DLG2: variants seen among roughly 807,000 people sequenced by gnomAD.
DLG2 encodes discs large MAGUK scaffold protein 2.
In DLG2, 45 loss-of-function variants were observed where a neutral mutation model predicts 132.5. That is an observed-to-expected ratio of 0.34 (90% CI 0.27 to 0.44). DLG2 has a LOEUF of 0.44. Among genes scored for constraint, DLG2 ranks in the 20% least tolerant of loss-of-function variants. DLG2 has a pLI of 1.00. For synonymous variants in DLG2, 424 were observed against 419.6 expected (o/e 1.01, Z -0.13); for missense variants, 1,045 against 1,196.9 (o/e 0.87, Z 1.87).
chr11:84,576,848 G>T (rs991141280), intron 6 of DLG2, among the ~76,000 whole-genome samples: 1 of 152,138 alleles, frequency 6.6e-6, no homozygotes, highest in African/African-American at 2.4e-5. Flanking sequence ...TACTATCACT[G>T]ATATACTTAT....
At chr11:83,729,625 G>C (rs1016220268) in intron 18 of DLG2, among the ~76,000 whole-genome samples, 1 of 152,122 alleles carries the variant, frequency 6.6e-6, no homozygotes, top group South Asian at 2.1e-4. Context: ...CATTCTCTGT[G>C]AGCTGAAAAA....
intron 26 of DLG2, among the ~76,000 whole-genome samples, chr11:83,466,466 A>T (rs1458561228): frequency 6.6e-6 from 1 of 152,338 alleles, no homozygotes; most frequent in East Asian, 1.9e-4. Context: ...AACATTATTG[A>T]AGATGTTTTA....
In DLG2 at chr11:85,111,692, G is replaced by C; in HGVS notation, c.326C>G (p.Ala109Gly). ...RCPAQNCSVE[A>G]PAWMPVHHCT... ...GTGGTGGACAGGCATCCAAGCAGGGGCTTCCACTGAACAATTCTGGGCTGG... is the reference window on the plus strand; with the variant it reads ...GTGGTGGACAGGCATCCAAGCAGGGCCTTCCACTGAACAATTCTGGGCTGG... Residue 109 changes from alanine (A) to glycine (G), a missense_variant, in exon 6 of 28, where the codon GCC (alanine) becomes GGC (glycine). Physicochemically the swap from Ala to Gly is moderately conservative, Grantham distance 60. This residue lies in a region of DLG2 where 277 missense variants were observed against 238.2 expected (regional missense o/e 1.16). Coordinates refer to ENST00000376104, the MANE Select transcript of DLG2 (RefSeq NM_001142699.3). 4 of 1,565,950 alleles carry C rather than the reference G, an allele frequency of 2.6e-6. No homozygotes were observed. The highest frequency in any genetic ancestry group is 3.5e-6 in the Non-Finnish European group (4 of 1,154,464).
intron 6 of DLG2, among the ~76,000 whole-genome samples, chr11:84,624,187 T>G (rs1400436073): frequency 6.6e-6 from 1 of 152,160 alleles, no homozygotes; most frequent in Non-Finnish European, 1.5e-5. Flanking sequence ...TTGTTTTTGT[T>G]TTTTCAAAGA....
At chr11:84,950,168 T>C (rs1416114941) in intron 6 of DLG2, among the ~76,000 whole-genome samples, 1 of 152,212 alleles carries the variant, frequency 6.6e-6, no homozygotes, top group Non-Finnish European at 1.5e-5. Flanking sequence ...CTGTCACTCA[T>C]ATTTGTACAT....
chr11:83,887,568 A>G (rs1430566559), intron 15 of DLG2, among the ~76,000 whole-genome samples: 1 of 152,086 alleles, frequency 6.6e-6, no homozygotes, highest in Non-Finnish European at 1.5e-5. Flanking sequence ...CAATCAATAG[A>G]AAAAGAGGGA....
intron 18 of DLG2, among the ~76,000 whole-genome samples, chr11:83,742,998 G>A (rs1472859140): frequency 6.6e-6 from 1 of 152,114 alleles, no homozygotes; most frequent in East Asian, 1.9e-4. Flanking sequence ...TGACTTTGTG[G>A]GTTTCTGTAA....
At chr11:85,103,341 C>A (rs2071182890) in intron 6 of DLG2, among the ~76,000 whole-genome samples, 1 of 151,844 alleles carries the variant, frequency 6.6e-6, no homozygotes, top group African/African-American at 2.4e-5. Context: ...CTCACACTAC[C>A]AAATTTCCAA....
At position 84,349,575 on chromosome 11, in the gene DLG2, T is replaced by C. The variant is rs749414673; in HGVS notation, c.520-98284A>G. ...CCTTGGATGTGAAACTTCTATGCTTTGCACGGTCATGTACAGTAGGTCTAA... is the reference window on the plus strand; with the variant it reads ...CCTTGGATGTGAAACTTCTATGCTTCGCACGGTCATGTACAGTAGGTCTAA... On this transcript the variant is annotated intron_variant, in intron 7 of 27. Coordinates refer to ENST00000376104, the MANE Select transcript of DLG2 (RefSeq NM_001142699.3). Among the ~76,000 whole-genome samples, 8 of 152,230 alleles carry C rather than the reference T, an allele frequency of 5.3e-5. 1 individual carries two copies. The highest frequency in any genetic ancestry group is 5.2e-4 in the Admixed American group (8 of 15,282).
chr11:83,953,611 G>A (rs1298424544), intron 14 of DLG2, among the ~76,000 whole-genome samples: 2 of 152,202 alleles, frequency 1.3e-5, no homozygotes, highest in African/African-American at 4.8e-5. Flanking sequence ...CCCAGGGATT[G>A]CAAAGTGTCA....
chr11:83,514,889 C>T (rs1290801973), intron 21 of DLG2, among the ~76,000 whole-genome samples: 3 of 150,850 alleles, frequency 2.0e-5, no homozygotes, highest in Non-Finnish European at 3.0e-5. Flanking sequence ...CCCACTTGAC[C>T]GTGGATATGC....
chr11:83,901,675 T>C (rs942224450), intron 15 of DLG2, among the ~76,000 whole-genome samples: 1 of 152,218 alleles, frequency 6.6e-6, no homozygotes, highest in Admixed American at 6.5e-5. Flanking sequence ...GGTATGTCTC[T>C]TTTTCACCAG....
intron 6 of DLG2, among the ~76,000 whole-genome samples, chr11:84,855,208 G>C (rs1447617135): frequency 6.6e-6 from 1 of 152,038 alleles, no homozygotes; most frequent in East Asian, 1.9e-4. Context: ...TATGGAATTT[G>C]AATCTCACAC....
intron 3 of DLG2, among the ~76,000 whole-genome samples, chr11:85,324,780 G>A (rs532014081): frequency 2.6e-5 from 4 of 152,214 alleles, no homozygotes; most frequent in South Asian, 2.1e-4. Flanking sequence ...CAAGATGGCC[G>A]AATAGGAACA....
intron 3 of DLG2, among the ~76,000 whole-genome samples, chr11:85,430,416 T>C (rs1440655674): frequency 1.3e-5 from 2 of 152,110 alleles, no homozygotes; most frequent in Non-Finnish European, 2.9e-5. Context: ...GTATCATTTA[T>C]TAAAATAAAA....
intron 6 of DLG2, among the ~76,000 whole-genome samples, chr11:84,561,040 T>A (rs868555433): frequency 9.9e-5 from 15 of 152,068 alleles, no homozygotes; most frequent in African/African-American, 3.6e-4. Flanking sequence ...GTTAAATGCA[T>A]AAGTGACTAC....
At chr11:83,624,522 A>G (rs759403667) in intron 19 of DLG2, among the ~76,000 whole-genome samples, 26 of 152,222 alleles carry the variant, frequency 1.7e-4, no homozygotes, top group Non-Finnish European at 3.4e-4. Flanking sequence ...CAAAATATAA[A>G]TGAAGAATCA....
intron 19 of DLG2, among the ~76,000 whole-genome samples, chr11:83,603,312 A>G (rs2153382406): frequency 6.6e-6 from 1 of 152,276 alleles, no homozygotes; most frequent in African/African-American, 2.4e-5. Flanking sequence ...AGGGTAAATC[A>G]TCCTCTAACT....
chr11:84,749,641 C>T (rs748203553), intron 6 of DLG2, among the ~76,000 whole-genome samples: 2 of 152,094 alleles, frequency 1.3e-5, no homozygotes, highest in Non-Finnish European at 1.5e-5. Context: ...ATTTGCACAA[C>T]AGTGAAATTG....
Sources: gnomAD v4.1 joint callset for allele counts (sites outside exome capture counted in the v4.1 genomes callset) on GRCh38, gnomAD v4.1.1 for gene constraint, gnomAD v4.1.1 regional missense constraint, MANE v1.5 for transcripts, NCBI Gene and HGNC (gene_info 2026-07-23, HGNC 2026-07-21) for gene names.